The following CCDC32 variants were observed in gnomAD, a reference collection of about 807,000 sequenced individuals.
CCDC32 encodes the protein coiled-coil domain-containing protein 32.
CCDC32 carries 9 observed loss-of-function variants against 20.1 expected under a neutral mutation model. The ratio of observed to expected loss-of-function variants is 0.45; its 90% CI spans 0.27 to 0.78. The LOEUF (loss-of-function observed/expected upper bound fraction) is 0.78, where lower values mean the gene tolerates loss of function less well. Ranked by LOEUF, CCDC32 falls within the 30% of genes least tolerant of loss-of-function variation. The pLI, the probability that CCDC32 is intolerant of heterozygous loss-of-function variation, is 0.16. For missense variants in CCDC32, 204 were observed against 215.5 expected, an observed-to-expected ratio of 0.95 and a Z score of 0.33; for synonymous variants, 63 against 79.0, an observed-to-expected ratio of 0.80 and a Z score of 1.07.
chr15:40,534,765 C>T (rs1889037256), downstream of CCDC32: 2 of 640,534 alleles, frequency 3.1e-6, no homozygotes, highest in South Asian at 1.8e-5. Context: ...AAAGGGTCCA[C>T]TCTCATGACC....
chr15:40,532,499 G>A (rs1027275409), downstream of CCDC32, among the ~76,000 whole-genome samples: 29 of 152,146 alleles, frequency 1.9e-4, no homozygotes, highest in African/African-American at 6.3e-4. Context: ...TTTCATCCCT[G>A]CTTCACAGCT....
chr15:40,547,312 A>G (rs2141620412), intron 3 of CCDC32, among the ~76,000 whole-genome samples: 1 of 152,056 alleles, frequency 6.6e-6, no homozygotes, highest in South Asian at 2.1e-4. Flanking sequence ...GTTGCTTGTG[A>G]TCTGGTGCCA....
rs949088167 is a variant in CCDC32 at position 40,564,985 on chromosome 15, T to C, written c.-22A>G. The C allele has an allele frequency of 3.3e-6, 2 of 609,766 alleles. No individual in the cohort carries two copies. Among genetic ancestry groups the C allele is most frequent in the Non-Finnish European group, 5.8e-6 (2 of 346,716 alleles). 37.8% of individuals were successfully genotyped at this position (609,766 alleles called of 1,614,324 possible). A position where few individuals can be genotyped will look rare whatever the true frequency, so the allele number is the denominator to read the frequency against. ...GCCCCTCCTCACTTACCGTAACAGC[T>C]GCCCAGTAAACGCTTGGCTCAGCTC... On this transcript the variant is annotated 5_prime_UTR_variant, in exon 1 of 4. Transcript: ENST00000416810.
chr15:40,561,770 C>A (rs976647586), intron 2 of CCDC32, among the ~76,000 whole-genome samples: 1 of 151,862 alleles, frequency 6.6e-6, no homozygotes, highest in African/African-American at 2.4e-5. Context: ...CCAAGGTAAG[C>A]CTTATTCCCA....
At chr15:40,540,938 C>T (rs1252329377) in intron 3 of CCDC32, among the ~76,000 whole-genome samples, 1 of 152,208 alleles carries the variant, frequency 6.6e-6, no homozygotes, top group Non-Finnish European at 1.5e-5. Context: ...TGTGGACATT[C>T]AGACTAGGCT....
intron 3 of CCDC32, chr15:40,528,806 G>GAAGAA: frequency 1.4e-6 from 1 of 698,208 alleles, no homozygotes; most frequent in Admixed American, 2.1e-5. Context: ...AAAAAAAAGA[G>GAAGAA]AAGAAAAGAA....
the CCDC32 span, among the ~76,000 whole-genome samples, chr15:40,522,587 G>A: frequency 6.6e-6 from 1 of 152,202 alleles, no homozygotes; most frequent in East Asian, 1.9e-4. Flanking sequence ...TCTGATCAAT[G>A]AACATAGAAC....
downstream of CCDC32, among the ~76,000 whole-genome samples, chr15:40,525,456 T>C (rs1894889744): frequency 6.6e-6 from 1 of 152,178 alleles, no homozygotes; most frequent in African/African-American, 2.4e-5. Context: ...AGCCACCATG[T>C]ATGGCTGAGC....
At chr15:40,539,206 G>T (rs938901063), downstream of CCDC32, 3 of 1,515,706 alleles carry the variant, frequency 2.0e-6, no homozygotes, top group Non-Finnish European at 2.7e-6. Flanking sequence ...ACATGGTTCT[G>T]CACATCCCTG....
rs1420622066 is a variant in CCDC32, at chr15:40,543,189, T to A, written c.402-3834A>T. Among the ~76,000 whole-genome samples the A allele has an allele frequency of 4.0e-5, 6 of 151,254 alleles. 1 individual carries two copies. Among genetic ancestry groups the A allele is most frequent in the African/African-American group, 1.5e-4 (6 of 41,146 alleles). On this transcript the variant is annotated intron_variant, in intron 3 of 3. Coordinates refer to the CCDC32 transcript ENST00000558113. ...GAAAGAGAAAAAAGAAAAGAAAGAA[T>A]GCCTGTAGCATAAATAACCCCTCAT...
chr15:40,556,785 C>T (rs7162749), intron 3 of CCDC32: 44,021 of 149,466 alleles, frequency 0.29, 6,744 homozygotes, highest in Middle Eastern at 0.39. Flanking sequence ...TTGCAGTGAG[C>T]CGAGATCGTG....
At chr15:40,551,879 A>T (rs1323151766), downstream of CCDC32, among the ~76,000 whole-genome samples, 1 of 151,666 alleles carries the variant, frequency 6.6e-6, no homozygotes, top group Non-Finnish European at 1.5e-5. Flanking sequence ...AGGGCCAGGC[A>T]TGGTGACTTG....
At position 40,558,567 on chromosome 15, in the gene CCDC32, C is replaced by G. The variant is rs565188557; in HGVS notation, c.245-1195G>C. Among the ~76,000 whole-genome samples the G allele has an allele frequency of 1.1e-4, 16 of 152,104 alleles. No homozygotes were observed. In the South Asian group the frequency reaches 3.3e-3, roughly 32 times the overall value. Reference sequence around the variant, plus strand: ...CTCTTTTGGGCCGGAAAAGGTCTTCCTCTCTCTAAGTATGCTGAGTCCCTG... The same window carrying G: ...CTCTTTTGGGCCGGAAAAGGTCTTCGTCTCTCTAAGTATGCTGAGTCCCTG... On this transcript the variant is annotated intron_variant, in intron 2 of 3. Coordinates refer to ENST00000416810, the MANE Select transcript of CCDC32 (RefSeq NM_001080792.4).
chr15:40,524,231 C>T (rs914522270), downstream of CCDC32, among the ~76,000 whole-genome samples: 1 of 139,754 alleles, frequency 7.2e-6, no homozygotes, highest in Non-Finnish European at 1.5e-5. Context: ...GATCTCGGCT[C>T]TGCAAGCTCC....
downstream of CCDC32, among the ~76,000 whole-genome samples, chr15:40,551,275 G>A (rs185085348): frequency 9.2e-5 from 14 of 152,138 alleles, no homozygotes; most frequent in African/African-American, 2.6e-4. Flanking sequence ...CCAGCTACTC[G>A]GGAGGCTGAG....
rs1890034759 is a variant in CCDC32, at chr15:40,553,861, C to A, written c.*110G>T. The A allele has an allele frequency of 7.1e-7, 1 of 1,403,712 alleles. No homozygotes were observed. Among genetic ancestry groups the A allele is most frequent in the Admixed American group, 2.6e-5 (1 of 37,870 alleles). The allele number at this position is 1,403,712 out of a possible 1,614,324, so 87.0% of individuals were successfully genotyped here. On this transcript the variant is annotated 3_prime_UTR_variant, in exon 4 of 4. Coordinates refer to ENST00000416810, the MANE Select transcript of CCDC32 (RefSeq NM_001080792.4). ...AGTGGATTTCTCCCTGCTGCTGTCA[C>A]TGAGCTCCACGCTGCTCGCTCTGGA... is the stretch of plus-strand genomic sequence containing the variant.
At chr15:40,545,110 G>T (rs1017433918) in intron 3 of CCDC32, among the ~76,000 whole-genome samples, 2 of 152,100 alleles carry the variant, frequency 1.3e-5, no homozygotes, top group Non-Finnish European at 2.9e-5. Context: ...TAACAACTGT[G>T]GGTCTCCTCT....
chr15:40,549,468 C>T (rs1433006049), downstream of CCDC32, among the ~76,000 whole-genome samples: 2 of 152,198 alleles, frequency 1.3e-5, no homozygotes, highest in African/African-American at 2.4e-5. Context: ...GCTCCCCTAA[C>T]ACGGCCTCTC....
chr15:40,532,395 C>T (rs1888909997), downstream of CCDC32: 2 of 681,726 alleles, frequency 2.9e-6, no homozygotes, highest in Admixed American at 4.2e-5. Context: ...TTGATATCAC[C>T]CGTCTTACTG....
Sources: allele counts gnomAD v4.1 joint callset (sites outside exome capture counted in the v4.1 genomes callset), GRCh38; gene constraint gnomAD v4.1.1; transcripts MANE v1.5; gene names NCBI Gene and HGNC (gene_info 2026-07-23, HGNC 2026-07-21).